SLCO1B1: variants seen among roughly 807,000 people sequenced by gnomAD.
SLCO1B1 encodes OATP-2.
SLCO1B1 carries 81 observed loss-of-function variants against 70.1 expected under a neutral mutation model. The ratio of observed to expected loss-of-function variants is 1.16; its 90% CI spans 0.97 to 1.39. The LOEUF (loss-of-function observed/expected upper bound fraction) is 1.39, where lower values mean the gene tolerates loss of function less well. Among genes scored for constraint, SLCO1B1 ranks in the 40% most tolerant of loss-of-function variants. The pLI is 0.00. For missense variants in SLCO1B1, 895 were observed against 799.6 expected, an observed-to-expected ratio of 1.12 and a Z score of -1.44; for synonymous variants, 283 against 271.5, an observed-to-expected ratio of 1.04 and a Z score of -0.42.
chr12:21,206,086 G>C, intron 11 of SLCO1B1, 53 bp downstream of exon 11: 1 of 1,463,914 alleles, frequency 6.8e-7, no homozygotes. Context: ...AGATTAGATT[G>C]AACAATTTTT....
At chr12:21,225,091 A>C (rs1157028163) in intron 14 of SLCO1B1, among the ~76,000 whole-genome samples, 2 of 152,126 alleles carry the variant, frequency 1.3e-5, no homozygotes, top group Non-Finnish European at 2.9e-5. Context: ...CAACTTGTCA[A>C]AAATCAGAGA....
intron 11 of SLCO1B1, among the ~76,000 whole-genome samples, chr12:21,210,672 T>G (rs1198887309): frequency 6.7e-6 from 1 of 149,596 alleles, no homozygotes; most frequent in Admixed American, 6.7e-5. Flanking sequence ...TTTCACGATA[T>G]TGATTCTTCC....
chr12:21,237,801 G>A (rs1449756416), intron 14 of SLCO1B1, among the ~76,000 whole-genome samples: 4 of 150,926 alleles, frequency 2.7e-5, no homozygotes, highest in Admixed American at 6.6e-5. Context: ...TGCAACCCCC[G>A]CCTCCCGAGT....
intron 2 of SLCO1B1, among the ~76,000 whole-genome samples, chr12:21,168,046 C>T (rs1940710686): frequency 6.6e-6 from 1 of 151,584 alleles, no homozygotes; most frequent in Non-Finnish European, 1.5e-5. Flanking sequence ...TGGTCTCAAA[C>T]TCCTGACCTC....
rs569800146 is a variant in SLCO1B1 at position 21,160,231 on chromosome 12, A to G, written c.85-12419A>G. On this transcript the variant is annotated intron_variant, in intron 2 of 14. Transcript: ENST00000256958. The stretch of plus-strand genomic sequence containing the variant: ...ATGCCGTCTGATTTCAAACTATACT[A>G]CAGGACTATAGTAACCAAAACAGCA... 5.6e-4 allele frequency among the ~76,000 whole-genome samples: 86 copies of G among 152,224 alleles called. No individual in the cohort carries two copies. In the Middle Eastern group the frequency reaches 0.01, roughly 18 times the overall value.
At chr12:21,195,542 G>T (rs535262384) in intron 7 of SLCO1B1, among the ~76,000 whole-genome samples, 2 of 152,114 alleles carry the variant, frequency 1.3e-5, no homozygotes, top group African/African-American at 2.4e-5. Context: ...TGTGCTCTTT[G>T]TAGCCCATTG....
chr12:21,215,935 A>G (rs1254677954), intron 11 of SLCO1B1, among the ~76,000 whole-genome samples: 1 of 151,950 alleles, frequency 6.6e-6, no homozygotes, highest in Non-Finnish European at 1.5e-5. Context: ...TTCGTCTTGG[A>G]TGGTTGTTGG....
intron 7 of SLCO1B1, among the ~76,000 whole-genome samples, chr12:21,182,550 C>T (rs1940915909): frequency 6.6e-6 from 1 of 152,182 alleles, no homozygotes; most frequent in Non-Finnish European, 1.5e-5. Flanking sequence ...CAGTCCCTCC[C>T]AGTACTCCTG....
intron 11 of SLCO1B1, among the ~76,000 whole-genome samples, chr12:21,213,578 A>G (rs1324522262): frequency 2.6e-3 from 354 of 135,670 alleles, no homozygotes; most frequent in Middle Eastern, 0.011. Flanking sequence ...TCTTTGTGGC[A>G]TTCTCTGTAT....
At position 21,174,505 on chromosome 12, in the gene SLCO1B1, C is replaced by G. The variant is rs371954730; in HGVS notation, c.227-72C>G. 1.7e-3 allele frequency: 2,494 copies of G among 1,459,102 alleles called. 62 individuals are homozygous for G. In the South Asian group the frequency reaches 0.028, roughly 16 times the overall value. 90.4% of individuals were successfully genotyped at this position (1,459,102 alleles called of 1,614,324 possible). Reference sequence around the variant, plus strand: ...CTATGTCTTGGACTCTATTTGCATCCATTCTGGGGTTTTCAATTCTAGACG... The same window carrying G: ...CTATGTCTTGGACTCTATTTGCATCGATTCTGGGGTTTTCAATTCTAGACG... On this transcript the variant is annotated intron_variant, in intron 3 of 14. Coordinates refer to ENST00000256958, the MANE Select transcript of SLCO1B1 (RefSeq NM_006446.5).
rs543659816 is a variant in SLCO1B1, at chr12:21,135,877, G to A, written c.-62+4641G>A. The stretch of plus-strand genomic sequence containing the variant: ...TATGTGTGAATTTGATCCTGTCATT[G>A]TGATGTTAGCTGGTTATTTTGCTCA... On this transcript the variant is annotated intron_variant, in intron 1 of 14. Transcript: ENST00000256958. 8.8e-3 allele frequency among the ~76,000 whole-genome samples: 1,328 copies of A among 150,854 alleles called. 26 individuals carry two copies. Among genetic ancestry groups the A allele is most frequent in the African/African-American group, 0.031 (1,261 of 41,276 alleles).
chr12:21,137,419 T>C (rs1460249658), intron 1 of SLCO1B1, among the ~76,000 whole-genome samples: 2 of 152,206 alleles, frequency 1.3e-5, no homozygotes, highest in Non-Finnish European at 2.9e-5. Flanking sequence ...GTCTGTGCCC[T>C]GCCCCCAGAG....
At chr12:21,238,862 G>A (rs1941619688) in intron 14 of SLCO1B1, 117 bp from the exon 15 acceptor site, 2 of 567,660 alleles carry the variant, frequency 3.5e-6, no homozygotes, top group Non-Finnish European at 6.2e-6. Flanking sequence ...TAGAATTATT[G>A]TCTTAATATT....
chr12:21,178,190 G>T (rs748367086), intron 5 of SLCO1B1, among the ~76,000 whole-genome samples: 3 of 151,986 alleles, frequency 2.0e-5, no homozygotes, highest in Non-Finnish European at 2.9e-5. Context: ...TACTGTTCTC[G>T]TGGTAATGAA....
chr12:21,208,883 T>C (rs1386282759), intron 11 of SLCO1B1, among the ~76,000 whole-genome samples: 1 of 151,948 alleles, frequency 6.6e-6, no homozygotes, highest in African/African-American at 2.4e-5. Flanking sequence ...TTTATTGTAG[T>C]TATTCTAAAT....
intron 7 of SLCO1B1, among the ~76,000 whole-genome samples, chr12:21,186,805 A>C (rs141202265): frequency 6.6e-6 from 1 of 152,106 alleles, no homozygotes; most frequent in Non-Finnish European, 1.5e-5. Flanking sequence ...GCAAACTTTT[A>C]TAAGAAAGGC....
At chr12:21,186,715 T>C (rs956637227) in intron 7 of SLCO1B1, among the ~76,000 whole-genome samples, 7 of 152,100 alleles carry the variant, frequency 4.6e-5, no homozygotes, top group Non-Finnish European at 7.4e-5. Flanking sequence ...TTGCTGAGTC[T>C]ATGCCAGCAG....
intron 7 of SLCO1B1, among the ~76,000 whole-genome samples, chr12:21,186,043 A>G (rs1392114389): frequency 6.6e-6 from 1 of 152,042 alleles, no homozygotes; most frequent in African/African-American, 2.4e-5. Context: ...ATCAAATTGA[A>G]TTAGTAATAA....
intron 14 of SLCO1B1, among the ~76,000 whole-genome samples, chr12:21,225,198 T>C (rs546134935): frequency 6.6e-6 from 1 of 152,080 alleles, no homozygotes; most frequent in Non-Finnish European, 1.5e-5. Flanking sequence ...CATGTAAATA[T>C]AGACACAGAC....
Sources: allele counts gnomAD v4.1 joint callset (sites outside exome capture counted in the v4.1 genomes callset), GRCh38; gene constraint gnomAD v4.1.1; transcripts MANE v1.5; gene names NCBI Gene and HGNC (gene_info 2026-07-23, HGNC 2026-07-21).